FGFR2: variants seen among roughly 807,000 people sequenced by gnomAD.
FGFR2 encodes fibroblast growth factor receptor 2.
Under a neutral mutation model 95.9 loss-of-function variants are expected in FGFR2, and 19 were observed. That is an observed-to-expected ratio of 0.20 (90% CI 0.14 to 0.29). FGFR2 has a LOEUF of 0.29. Ranked by LOEUF, FGFR2 falls within the 10% of genes least tolerant of loss-of-function variation. FGFR2 has a pLI of 1.00. For missense variants in FGFR2, 707 were observed against 1,056.9 expected (o/e 0.67, Z 4.59); for synonymous variants, 392 against 393.3 (o/e 1.00, Z 0.04).
At chr10:121,565,905 G>GA (rs1857608208) in intron 2 of FGFR2, 2 of 632,774 alleles carry the variant, frequency 3.2e-6, no homozygotes, top group Non-Finnish European at 5.6e-6. Flanking sequence ...GATACCCCCA[G>GA]AAAATCTGTC....
rs1445658490 is a variant in FGFR2 at position 121,515,330 on chromosome 10, G to T, written c.1085-11C>A. 1.2e-6 allele frequency: 2 copies of T among 1,613,446 alleles called. No individual in the cohort carries two copies. The highest frequency in any genetic ancestry group is 8.5e-7 in the Non-Finnish European group (1 of 1,179,528). ...TTTCTCTTCCAGGCGCTAGATTGCA[G>T]ATCACAGGAGGAGGAACAGATAAGC... On this transcript the variant is annotated splice_polypyrimidine_tract_variant and intron_variant, in intron 8 of 17. Coordinates refer to ENST00000358487, the MANE Select transcript of FGFR2 (RefSeq NM_000141.5).
chr10:121,548,281 G>GTTTTTTTT (rs1854856584), intron 5 of FGFR2, among the ~76,000 whole-genome samples: 6 of 31,998 alleles, frequency 1.9e-4, no homozygotes, highest in Non-Finnish European at 2.5e-4. Context: ...TTTTTTTTTG[G>GTTTTTTTT]TAAAGCAAAA....
In FGFR2 at chr10:121,479,212, GATTA is replaced by G. The variant is rs548465887; in HGVS notation, c.*641_*644del. 1,061 of 233,300 alleles carry G rather than the reference GATTA, an allele frequency of 4.5e-3. 6 individuals carry two copies. Among genetic ancestry groups the G allele is most frequent in the Non-Finnish European group, 5.3e-3 (631 of 118,064 alleles). The allele number at this position is 233,300 out of a possible 1,614,324, so 14.5% of individuals were successfully genotyped here. On this transcript the variant is annotated 3_prime_UTR_variant, in exon 18 of 18. Coordinates refer to ENST00000358487, the MANE Select transcript of FGFR2 (RefSeq NM_000141.5). ...TTAAATTACAAAAAAAACTATAAAT[GATTA>G]ATTGTTTTGTATATTACCAATTTAT...
intron 2 of FGFR2, among the ~76,000 whole-genome samples, chr10:121,593,109 C>A (rs1193528653): frequency 6.6e-6 from 1 of 152,154 alleles, no homozygotes; most frequent in Non-Finnish European, 1.5e-5. Context: ...GGAGGAGATC[C>A]CCTGGCACAT....
At chr10:121,542,222 T>A (rs1429429357) in intron 5 of FGFR2, among the ~76,000 whole-genome samples, 2 of 152,156 alleles carry the variant, frequency 1.3e-5, no homozygotes, top group African/African-American at 2.4e-5. Context: ...TAAAGATGCA[T>A]ATAAAACTGA....
chr10:121,480,392 T>A (rs1376403923), intron 17 of FGFR2: 2 of 371,310 alleles, frequency 5.4e-6, no homozygotes, highest in Non-Finnish European at 1.0e-5. Context: ...CGGACCTAAA[T>A]AACCCGCTGA....
intron 5 of FGFR2, among the ~76,000 whole-genome samples, chr10:121,544,609 C>T (rs924555038): frequency 2.6e-5 from 4 of 152,030 alleles, no homozygotes; most frequent in African/African-American, 9.7e-5. Flanking sequence ...ATAAGGTACA[C>T]AGAATAGGCA....
intron 13 of FGFR2, among the ~76,000 whole-genome samples, chr10:121,489,051 C>T (rs1845789073): frequency 6.6e-6 from 1 of 151,492 alleles, no homozygotes; most frequent in South Asian, 2.1e-4. Flanking sequence ...TAAAATGGTC[C>T]CTCTGTTTAG....
intron 17 of FGFR2, 94 bp downstream of exon 17, chr10:121,483,604 C>T: frequency 1.1e-6 from 1 of 895,084 alleles, no homozygotes; most frequent in Non-Finnish European, 1.8e-6. Context: ...CCACAGACTC[C>T]AACCAACAGC....
chr10:121,486,893 T>A (rs146755028), intron 15 of FGFR2, among the ~76,000 whole-genome samples: 1 of 152,208 alleles, frequency 6.6e-6, no homozygotes, highest in Non-Finnish European at 1.5e-5. Context: ...GGGATAAACA[T>A]AGAGAGTAGA....
chr10:121,566,144 G>C (rs1209160010), intron 2 of FGFR2, among the ~76,000 whole-genome samples: 4 of 152,182 alleles, frequency 2.6e-5, no homozygotes, highest in African/African-American at 7.2e-5. Context: ...TATTATTTGT[G>C]CTAGACTTGG....
Position 121,538,639 on chromosome 10 carries a change from T to G in FGFR2, c.701A>C (p.Glu234Ala), listed in dbSNP as rs1432127277. Reference protein sequence around the residue: ...SDKGNYTCVVENEYGSINHTY... With the variant: ...SDKGNYTCVVANEYGSINHTY... ...GTGATTGATGGACCCGTATTCATTC[T>G]CCACTACACAGGTATAATTTCCCTT... Residue 234 changes from glutamate (E) to alanine (A), a missense_variant, in exon 6 of 18, where the codon GAG becomes GCG. By Grantham distance (107) the Glu-to-Ala change is moderately radical. Around this residue, in one of 7 missense-constraint regions of FGFR2, gnomAD observed 139 missense variants for 278.1 expected, o/e 0.50. Transcript: ENST00000358487. The G allele has an allele frequency of 6.2e-7, 1 of 1,614,176 alleles. No individual in the cohort carries two copies. The highest frequency in any genetic ancestry group is 2.2e-5 in the East Asian group (1 of 44,852).
chr10:121,549,690 C>G (rs967504173), intron 5 of FGFR2, among the ~76,000 whole-genome samples: 1 of 152,148 alleles, frequency 6.6e-6, no homozygotes, highest in Non-Finnish European at 1.5e-5. Context: ...TGAAGAGGCC[C>G]GTGTGGCATG....
intron 6 of FGFR2, among the ~76,000 whole-genome samples, chr10:121,525,851 G>A (rs1487246861): frequency 6.6e-6 from 1 of 151,990 alleles, no homozygotes; most frequent in African/African-American, 2.4e-5. Flanking sequence ...TGCATCCCGG[G>A]GATCAGAAGG....
intron 2 of FGFR2, among the ~76,000 whole-genome samples, chr10:121,567,579 T>C (rs757392001): frequency 1.3e-5 from 2 of 152,202 alleles, no homozygotes; most frequent in Non-Finnish European, 1.5e-5. Flanking sequence ...TGACAGACGA[T>C]AGATACAAAA....
At chr10:121,532,493 T>C (rs1852221834) in intron 6 of FGFR2, among the ~76,000 whole-genome samples, 2 of 152,156 alleles carry the variant, frequency 1.3e-5, no homozygotes, top group South Asian at 4.1e-4. Context: ...ATTAACAGGT[T>C]AATTAATTAA....
At position 121,530,042 on chromosome 10, in the gene FGFR2, C is replaced by A. The variant is rs574369702; in HGVS notation, c.748+8550G>T. Among the ~76,000 whole-genome samples the A allele has an allele frequency of 1.1e-4, 17 of 152,300 alleles. No individual in the cohort carries two copies. The South Asian group carries it at 3.5e-3, about 32-fold the overall frequency. ...AACCTCCCCACAGCAACACCGACACCCTTGGCCATCTATTTCCCACAGACA... is the reference window on the plus strand; with the variant it reads ...AACCTCCCCACAGCAACACCGACACACTTGGCCATCTATTTCCCACAGACA... On this transcript the variant is annotated intron_variant, in intron 6 of 17. Coordinates refer to ENST00000358487, the MANE Select transcript of FGFR2 (RefSeq NM_000141.5).
chr10:121,504,737 G>A (rs569870266), intron 9 of FGFR2, among the ~76,000 whole-genome samples: 5 of 152,252 alleles, frequency 3.3e-5, no homozygotes, highest in South Asian at 4.1e-4. Context: ...GGGCTCCACC[G>A]AGTTACTTTC....
intron 6 of FGFR2, among the ~76,000 whole-genome samples, chr10:121,521,742 G>C (rs1376565983): frequency 6.6e-6 from 1 of 151,724 alleles, no homozygotes; most frequent in Non-Finnish European, 1.5e-5. Context: ...AGCCACCATG[G>C]AAAACAATAT....
Sources: gnomAD v4.1 joint callset for allele counts (sites outside exome capture counted in the v4.1 genomes callset) on GRCh38, gnomAD v4.1.1 for gene constraint, gnomAD v4.1.1 regional missense constraint, MANE v1.5 for transcripts, NCBI Gene and HGNC (gene_info 2026-07-23, HGNC 2026-07-21) for gene names.